TMEFF2: variants seen among roughly 807,000 people sequenced by gnomAD.
TMEFF2 encodes the protein transmembrane protein with EGF like and two follistatin like domains 2, also known as tomoregulin-2.
In TMEFF2, 28 loss-of-function variants were observed where a neutral mutation model predicts 53.8. That is an observed-to-expected ratio of 0.52 (90% CI 0.39 to 0.71). The LOEUF is 0.71. Ranked by LOEUF, TMEFF2 falls within the 30% of genes least tolerant of loss-of-function variation. TMEFF2 has a pLI of 0.00. For synonymous variants in TMEFF2, 162 were observed against 166.3 expected (o/e 0.97, Z 0.20); for missense variants, 353 against 455.2 (o/e 0.78, Z 2.04).
intron 7 of TMEFF2, among the ~76,000 whole-genome samples, chr2:191,988,050 G>A (rs1306100698): frequency 6.6e-6 from 1 of 152,104 alleles, no homozygotes; most frequent in Admixed American, 6.5e-5. Context: ...TGAACAGCTC[G>A]GAAGTATGTT....
At chr2:192,121,441 T>C (rs1450430274) in intron 4 of TMEFF2, among the ~76,000 whole-genome samples, 3 of 151,424 alleles carry the variant, frequency 2.0e-5, no homozygotes, top group African/African-American at 7.3e-5. Context: ...GGAGACAAAG[T>C]AGAAGGAGGG....
At chr2:191,988,540 C>G (rs148182091) in intron 7 of TMEFF2, among the ~76,000 whole-genome samples, 2 of 152,162 alleles carry the variant, frequency 1.3e-5, no homozygotes, top group South Asian at 2.1e-4. Flanking sequence ...AAGCACTGAT[C>G]GCTTGTTCGT....
chr2:192,015,499 G>T (rs539196126), intron 5 of TMEFF2, among the ~76,000 whole-genome samples: 1 of 151,990 alleles, frequency 6.6e-6, no homozygotes, highest in South Asian at 2.1e-4. Context: ...GTTTTTTAAA[G>T]GCTAAAGAAT....
chr2:192,106,943 A>G (rs1404181185), intron 4 of TMEFF2, among the ~76,000 whole-genome samples: 1 of 151,740 alleles, frequency 6.6e-6, no homozygotes, highest in Non-Finnish European at 1.5e-5. Flanking sequence ...TAGGACTTTT[A>G]TAGGTGGAGT....
chr2:192,075,330 T>A (rs191922098), intron 4 of TMEFF2, among the ~76,000 whole-genome samples: 15 of 100,868 alleles, frequency 1.5e-4, no homozygotes, highest in East Asian at 5.6e-4. Context: ...TATATATATA[T>A]ATACATACAT....
chr2:191,974,980 A>G (rs1685673747), intron 7 of TMEFF2, among the ~76,000 whole-genome samples: 1 of 152,124 alleles, frequency 6.6e-6, no homozygotes, highest in Non-Finnish European at 1.5e-5. Flanking sequence ...TAATTATAAC[A>G]TCATCCAAAA....
chr2:192,121,858 C>T (rs986208403), intron 4 of TMEFF2, among the ~76,000 whole-genome samples: 2 of 152,036 alleles, frequency 1.3e-5, no homozygotes, highest in African/African-American at 4.8e-5. Flanking sequence ...AGAGAAACTT[C>T]TCAGAAAAGA....
chr2:192,183,133 T>C (rs767619930), intron 3 of TMEFF2, among the ~76,000 whole-genome samples: 3 of 151,994 alleles, frequency 2.0e-5, no homozygotes, highest in Non-Finnish European at 4.4e-5. Context: ...TCTGAGCAAA[T>C]AATCCCTTAG....
intron 5 of TMEFF2, chr2:192,032,329 A>G (rs960990297): frequency 6.6e-6 from 1 of 152,214 alleles, no homozygotes; most frequent in African/African-American, 2.4e-5. Flanking sequence ...CAGGCTATTC[A>G]TGAAGATAAG....
At chr2:191,957,728 C>G (rs1692150173) in intron 7 of TMEFF2, among the ~76,000 whole-genome samples, 1 of 152,176 alleles carries the variant, frequency 6.6e-6, no homozygotes, top group Non-Finnish European at 1.5e-5. Flanking sequence ...ATGTTACACA[C>G]CCAAATTTGT....
In TMEFF2 at chr2:191,950,103, C is replaced by T. The variant is rs1360953813; in HGVS notation, c.*208G>A. ...TTGTGTGATATAAATAGTTTATTTA[C>T]ATTACAGAAAAAACATCAAGACAAT... is the stretch of plus-strand genomic sequence containing the variant. On this transcript the variant is annotated 3_prime_UTR_variant, in exon 10 of 10. Transcript: ENST00000272771. 2 of 1,308,134 alleles carry T rather than the reference C, an allele frequency of 1.5e-6. No individual in the cohort carries two copies. Among genetic ancestry groups the T allele is most frequent in the Non-Finnish European group, 2.0e-6 (2 of 1,023,808 alleles). 81.0% of individuals were successfully genotyped at this position (1,308,134 alleles called of 1,614,324 possible).
chr2:192,091,053 C>T (rs1336330223), intron 4 of TMEFF2, among the ~76,000 whole-genome samples: 2 of 152,110 alleles, frequency 1.3e-5, no homozygotes, highest in African/African-American at 4.8e-5. Context: ...ACTCAAGCTG[C>T]CTGCTCTTTC....
chr2:192,013,852 T>C (rs1686689278), intron 5 of TMEFF2, among the ~76,000 whole-genome samples: 1 of 152,188 alleles, frequency 6.6e-6, no homozygotes, highest in South Asian at 2.1e-4. Context: ...TCTTCACAAC[T>C]AGAACAATGG....
At chr2:192,038,911 C>T (rs1687402203) in intron 5 of TMEFF2, among the ~76,000 whole-genome samples, 1 of 152,104 alleles carries the variant, frequency 6.6e-6, no homozygotes, top group Admixed American at 6.6e-5. Context: ...CTATATCAAC[C>T]CTTCTAGCCA....
chr2:191,980,317 A>G (rs1344562234), intron 7 of TMEFF2, among the ~76,000 whole-genome samples: 2 of 152,218 alleles, frequency 1.3e-5, no homozygotes, highest in Non-Finnish European at 2.9e-5. Context: ...GAAGGTGTGA[A>G]GGGCAGGCCA....
At chr2:192,086,576 G>A (rs550727414) in intron 4 of TMEFF2, among the ~76,000 whole-genome samples, 4 of 152,218 alleles carry the variant, frequency 2.6e-5, no homozygotes, top group African/African-American at 9.6e-5. Context: ...TGAGAGATGA[G>A]GTGGTGTTCA....
intron 5 of TMEFF2, among the ~76,000 whole-genome samples, chr2:192,020,290 A>G (rs1686832003): frequency 6.6e-6 from 1 of 152,104 alleles, no homozygotes; most frequent in African/African-American, 2.4e-5. Flanking sequence ...ATTACTTTTT[A>G]TGTGTAGAGA....
chr2:192,090,629 G>T (rs916269310), intron 4 of TMEFF2, among the ~76,000 whole-genome samples: 2 of 152,134 alleles, frequency 1.3e-5, no homozygotes, highest in East Asian at 1.9e-4. Context: ...GATCATTGAT[G>T]TAGGAGCACC....
chr2:192,034,174 C>CAAA lies in TMEFF2; in HGVS notation c.536+23502_536+23504dup, dbSNP rs5837274. Among the ~76,000 whole-genome samples, 123 of 105,340 alleles carry CAAA rather than the reference C, an allele frequency of 1.2e-3. 1 individual carries two copies. Among genetic ancestry groups the CAAA allele is most frequent in the African/African-American group, 4.0e-3 (110 of 27,164 alleles). 69.1% of individuals were successfully genotyped at this position (105,340 alleles called of 152,430 possible). On this transcript the variant is annotated intron_variant, in intron 5 of 9. Coordinates refer to ENST00000272771, the MANE Select transcript of TMEFF2 (RefSeq NM_016192.4). ...TGGGTGACAGAGCAGGACTCCATTT[C>CAAA]AAAAAAAAAAAAAAAAAAATCCTTT...
Sources: gnomAD v4.1 joint callset for allele counts (sites outside exome capture counted in the v4.1 genomes callset) on GRCh38, gnomAD v4.1.1 for gene constraint, MANE v1.5 for transcripts, NCBI Gene and HGNC (gene_info 2026-07-23, HGNC 2026-07-21) for gene names.